The following CTPS2 variants were observed in gnomAD, a reference collection of about 807,000 sequenced individuals.
CTPS2 encodes CTP synthase II.
CTPS2 carries 19 observed loss-of-function variants against 46.8 expected under a neutral mutation model. The ratio of observed to expected loss-of-function variants is 0.41; its 90% CI spans 0.28 to 0.60. CTPS2 has a LOEUF of 0.60. CTPS2 is among the 20% of genes least tolerant of loss of function. The pLI, the probability that CTPS2 is intolerant of heterozygous loss-of-function variation, is 0.35. For missense variants in CTPS2, 286 were observed against 447.6 expected (o/e 0.64, Z 3.26); for synonymous variants, 151 against 165.2 (o/e 0.91, Z 0.66).
At chrX:16,681,330 T>A (rs1434379003) in intron 9 of CTPS2, among the ~76,000 whole-genome samples, 1 of 112,180 alleles carries the variant, frequency 8.9e-6, no homozygotes, top group African/African-American at 3.2e-5. Context: ...CCATTAAATT[T>A]CTTTAACATA....
At chrX:16,645,319 T>C (rs1478195926) in intron 13 of CTPS2, among the ~76,000 whole-genome samples, 8 of 110,747 alleles carry the variant, frequency 7.2e-5, no homozygotes, top group Non-Finnish European at 1.5e-4. Context: ...TTTAAGTGTA[T>C]TAAAAACTAA....
At chrX:16,655,218 A>G (rs192853107) in intron 13 of CTPS2, among the ~76,000 whole-genome samples, 71 of 112,286 alleles carry the variant, frequency 6.3e-4, no homozygotes, top group Non-Finnish European at 1.1e-3. Context: ...TCGACGGGGA[A>G]CAGAAGGAAC....
rs148995160 is a variant in CTPS2 at position 16,683,156 on chromosome X, C to T, written c.943G>A (p.Ala315Thr). The T allele has an allele frequency of 7.7e-4, 933 of 1,208,645 alleles. No homozygotes were observed. Among genetic ancestry groups the T allele is most frequent in the Non-Finnish European group, 9.9e-4 (882 of 894,218 alleles). ...GKYTKLRDCYASVFKALEHSA... is the reference protein window; with the variant it reads ...GKYTKLRDCYTSVFKALEHSA... ...TGTTCCAGGGCTTTGAACACAGAGGCGTAGCAGTCTCTGAGCTTGGTGTAT... is the reference window on the plus strand; with the variant it reads ...TGTTCCAGGGCTTTGAACACAGAGGTGTAGCAGTCTCTGAGCTTGGTGTAT... Residue 315 changes from alanine to threonine, a missense_variant, in exon 9 of 19, where the codon GCC becomes ACC. By Grantham distance (58) the Ala-to-Thr change is moderately conservative. Transcript: ENST00000359276.
chrX:16,604,564 T>A (rs904913253), intron 17 of CTPS2, among the ~76,000 whole-genome samples: 1 of 110,806 alleles, frequency 9.0e-6, no homozygotes, highest in Admixed American at 9.6e-5. Flanking sequence ...CATTGGCCCA[T>A]GCCTGTAATC....
intron 14 of CTPS2, among the ~76,000 whole-genome samples, chrX:16,630,789 G>C (rs112117830): frequency 7.1e-5 from 8 of 112,092 alleles, no homozygotes; most frequent in African/African-American, 2.6e-4. Context: ...TAGGTTGATG[G>C]CTGGACAAAA....
chrX:16,690,909 G>T (rs976325374), intron 7 of CTPS2, among the ~76,000 whole-genome samples: 2 of 112,139 alleles, frequency 1.8e-5, no homozygotes, highest in Admixed American at 9.5e-5. Flanking sequence ...GCTGCCACAG[G>T]TAGAGAGGAG....
chrX:16,688,940 A>T (rs6527704), intron 8 of CTPS2, among the ~76,000 whole-genome samples: 42,413 of 107,137 alleles, frequency 0.4, 6,317 homozygotes, highest in African/African-American at 0.44. Context: ...CAAAAAAAAA[A>T]AAATATATAT....
chrX:16,712,177 G>C (rs775341673), intron 1 of CTPS2, 158 bp downstream of exon 1: 1 of 112,351 alleles, frequency 8.9e-6, no homozygotes, highest in Non-Finnish European at 1.9e-5. Flanking sequence ...CCGACTCAGC[G>C]CTGGGCAGGG....
At chrX:16,638,004 C>T (rs1468753307) in intron 14 of CTPS2, among the ~76,000 whole-genome samples, 1 of 111,504 alleles carries the variant, frequency 9.0e-6, no homozygotes, top group Non-Finnish European at 1.9e-5. Context: ...GCCTGTAATC[C>T]CAGCACTTTG....
intron 14 of CTPS2, among the ~76,000 whole-genome samples, chrX:16,634,420 A>T (rs190399590): frequency 4.5e-5 from 5 of 111,737 alleles, no homozygotes; most frequent in African/African-American, 1.6e-4. Flanking sequence ...ACACACTGTC[A>T]TTAGCCCTTT....
intron 17 of CTPS2, among the ~76,000 whole-genome samples, chrX:16,604,569 G>A (rs1053420060): frequency 9.0e-6 from 1 of 110,862 alleles, no homozygotes. Flanking sequence ...GCCCATGCCT[G>A]TAATCTCAGC....
chrX:16,679,382 TAAAA>T (rs1035620211), intron 9 of CTPS2, among the ~76,000 whole-genome samples: 3 of 103,270 alleles, frequency 2.9e-5, no homozygotes, highest in African/African-American at 1.1e-4. Flanking sequence ...TAAAAATAAA[TAAAA>T]AAAAAAGAAA....
At chrX:16,639,826 AAAG>A (rs778864082) in intron 13 of CTPS2, among the ~76,000 whole-genome samples, 80 of 109,252 alleles carry the variant, frequency 7.3e-4, no homozygotes, top group Non-Finnish European at 1.2e-3. Flanking sequence ...AGAAAGAAAG[AAAG>A]AAGAAAAGAA....
rs746634342 is a variant in CTPS2 at position 16,647,255 on chromosome X, C to CTTT, written c.1297-8015_1297-8013dup. Among the ~76,000 whole-genome samples the CTTT allele has an allele frequency of 7.5e-4, 30 of 39,757 alleles. 1 individual carries two copies. The highest frequency in any genetic ancestry group is 2.1e-3 in the African/African-American group (21 of 9,885). 34.5% of individuals were successfully genotyped at this position (39,757 alleles called of 115,157 possible). ...GACAATAGGCAGCATTGGGCCCATT[C>CTTT]TTTTTTTTTTTTTTTTTTTTTTTTT... On this transcript the variant is annotated intron_variant, in intron 13 of 18. Coordinates refer to ENST00000359276, the MANE Select transcript of CTPS2 (RefSeq NM_175859.3).
intron 13 of CTPS2, chrX:16,654,636 TCA>T (rs1932775061): frequency 2.7e-6 from 1 of 374,635 alleles, no homozygotes; most frequent in African/African-American, 2.6e-5. Context: ...GCTGTGAGGT[TCA>T]GTTATTATTA....
intron 4 of CTPS2, among the ~76,000 whole-genome samples, chrX:16,696,617 A>T (rs776288952): frequency 2.2e-4 from 25 of 111,806 alleles, no homozygotes; most frequent in African/African-American, 7.1e-4. Context: ...AGGCAAGATG[A>T]TTGGTTGAGC....
At chrX:16,645,289 G>A (rs1245653800) in intron 13 of CTPS2, among the ~76,000 whole-genome samples, 1 of 110,730 alleles carries the variant, frequency 9.0e-6, no homozygotes, top group South Asian at 3.8e-4. Flanking sequence ...CACTGTACCC[G>A]GCCTGGAATC....
chrX:16,611,787 G>GA (rs1930276644), intron 16 of CTPS2, among the ~76,000 whole-genome samples: 1 of 111,643 alleles, frequency 9.0e-6, no homozygotes, highest in Non-Finnish European at 1.9e-5. Flanking sequence ...CATCTAAGAA[G>GA]AAACCTCCTT....
chrX:16,684,509 CA>C (rs1334791360), intron 8 of CTPS2, among the ~76,000 whole-genome samples: 32 of 70,035 alleles, frequency 4.6e-4, no homozygotes, highest in South Asian at 7.5e-4. Flanking sequence ...ACTCTGTCTC[CA>C]AAAAAAAAAA....
Sources: gnomAD v4.1 joint callset for allele counts (sites outside exome capture counted in the v4.1 genomes callset) on GRCh38, gnomAD v4.1.1 for gene constraint, MANE v1.5 for transcripts, NCBI Gene and HGNC (gene_info 2026-07-23, HGNC 2026-07-21) for gene names.